The following ANKRD55 variants were observed in gnomAD, a reference collection of about 807,000 sequenced individuals.
ANKRD55 encodes the protein ankyrin repeat domain-containing protein 55.
ANKRD55 carries 41 observed loss-of-function variants against 60.6 expected under a neutral mutation model. That is an observed-to-expected ratio of 0.68 (90% CI 0.53 to 0.88). ANKRD55 has a LOEUF of 0.88. Ranked by LOEUF, ANKRD55 falls within the 40% of genes least tolerant of loss-of-function variation. The pLI, the probability that ANKRD55 is intolerant of heterozygous loss-of-function variation, is 0.00. For synonymous variants in ANKRD55, 264 were observed against 290.3 expected (o/e 0.91, Z 0.92); for missense variants, 732 against 767.6 (o/e 0.95, Z 0.55).
At chr5:56,168,912 A>G (rs754054524) in intron 5 of ANKRD55, among the ~76,000 whole-genome samples, 16 of 152,232 alleles carry the variant, frequency 1.1e-4, no homozygotes, top group Admixed American at 8.5e-4. Context: ...CCTGGAGTGC[A>G]GTGGTGCAAA....
rs1760299492 is a variant in ANKRD55 at position 56,233,246 on chromosome 5, A to G, written c.-39T>C. On this transcript the variant is annotated 5_prime_UTR_variant, in exon 1 of 12. Coordinates refer to ENST00000341048, the MANE Select transcript of ANKRD55 (RefSeq NM_024669.3). ...AAATTGTATGGGCCACCTGCCTTGG[A>G]TCTGGGCTGGAAAAACACAGCAGAT... 3.4e-6 allele frequency: 1 copy of G among 292,852 alleles called. No individual in the cohort carries two copies. Among genetic ancestry groups the G allele is most frequent in the South Asian group, 5.3e-5 (1 of 18,844 alleles). 18.1% of individuals were successfully genotyped at this position (292,852 alleles called of 1,614,324 possible).
At chr5:56,132,888 G>A (rs1477368205) in intron 7 of ANKRD55, among the ~76,000 whole-genome samples, 1 of 152,166 alleles carries the variant, frequency 6.6e-6, no homozygotes, top group African/African-American at 2.4e-5. Context: ...ATTCTAGACA[G>A]TGCAGACTAC....
At chr5:56,193,157 C>A in intron 2 of ANKRD55, 1 of 683,100 alleles carries the variant, frequency 1.5e-6, no homozygotes, top group Non-Finnish European at 2.4e-6. Flanking sequence ...CTTTGTAAAA[C>A]AGGGCTGTAT....
intron 2 of ANKRD55, among the ~76,000 whole-genome samples, chr5:56,198,449 C>G (rs1322071937): frequency 6.6e-6 from 1 of 152,004 alleles, no homozygotes; most frequent in Non-Finnish European, 1.5e-5. Context: ...CCACGCCCAG[C>G]TCATTTTGTA....
rs746295517 is a variant in ANKRD55 at position 56,118,354 on chromosome 5, G to A, written c.798-1572C>T. On this transcript the variant is annotated intron_variant, in intron 8 of 11. Coordinates refer to ENST00000341048, the MANE Select transcript of ANKRD55 (RefSeq NM_024669.3). Reference sequence around the variant, plus strand: ...AAATCTTTCAGAACTGGCTGGGTGCGGTGGCTCACACCTGTAATCCCAGCG... The same window carrying A: ...AAATCTTTCAGAACTGGCTGGGTGCAGTGGCTCACACCTGTAATCCCAGCG... 8.5e-5 allele frequency among the ~76,000 whole-genome samples: 13 copies of A among 152,150 alleles called. No individual in the cohort carries two copies. The East Asian group carries it at 1.7e-3, about 20-fold the overall frequency.
At chr5:56,142,767 G>A (rs1039644503) in intron 7 of ANKRD55, among the ~76,000 whole-genome samples, 5 of 152,342 alleles carry the variant, frequency 3.3e-5, no homozygotes, top group Middle Eastern at 3.4e-3. Flanking sequence ...GACTGGCAGC[G>A]ATGGTGGCAG....
At chr5:56,159,987 A>G (rs1172043737) in intron 5 of ANKRD55, 94 bp from the exon 6 acceptor site, 1 of 1,054,912 alleles carries the variant, frequency 9.5e-7, no homozygotes, top group South Asian at 1.3e-5. Flanking sequence ...AAAAACCGTC[A>G]GTTGAAAGAC....
chr5:56,160,024 G>A (rs1282128291), intron 5 of ANKRD55, 131 bp from the exon 6 acceptor site: 5 of 684,488 alleles, frequency 7.3e-6, no homozygotes, highest in Admixed American at 5.2e-5. Context: ...GGCCCTTTCC[G>A]TTTCTCTGGG....
intron 2 of ANKRD55, among the ~76,000 whole-genome samples, chr5:56,223,153 T>C (rs1760013425): frequency 1.3e-5 from 2 of 152,176 alleles, no homozygotes; most frequent in African/African-American, 4.8e-5. Flanking sequence ...ATAGATGATC[T>C]CTTGGCAGAA....
intron 10 of ANKRD55, among the ~76,000 whole-genome samples, chr5:56,103,075 G>A (rs564622487): frequency 5.3e-4 from 81 of 152,282 alleles, no homozygotes; most frequent in African/African-American, 1.9e-3. Context: ...TCTGGAGGTG[G>A]GGCATGGTGT....
Position 56,176,174 on chromosome 5 carries a change from C to T in ANKRD55, c.290G>A (p.Ser97Asn), listed in dbSNP as rs777720577. The T allele has an allele frequency of 4.3e-6, 7 of 1,614,084 alleles. No individual in the cohort carries two copies. Among genetic ancestry groups the T allele is most frequent in the Non-Finnish European group, 5.9e-6 (7 of 1,180,042 alleles). ...INMQDAYGRT[S>N]LCLATYLGWL... ...TACCAGGTAGGTGGCCAGGCATAAA[C>T]TTGTGCGGCCATAAGCATCCTGCAT... Residue 97 changes from serine (S) to asparagine (N), a missense_variant, in exon 4 of 12, where the codon AGT becomes AAT. Physicochemically the swap from Ser to Asn is conservative, Grantham distance 46 (BLOSUM62 1). Transcript: ENST00000341048.
chr5:56,154,039 G>A (rs1758127957), intron 6 of ANKRD55, among the ~76,000 whole-genome samples: 1 of 148,918 alleles, frequency 6.7e-6, no homozygotes, highest in Non-Finnish European at 1.5e-5. Flanking sequence ...GTGAAACCCC[G>A]TCTCTACTAA....
chr5:56,121,741 G>T (rs1757070662), intron 8 of ANKRD55, among the ~76,000 whole-genome samples: 1 of 152,142 alleles, frequency 6.6e-6, no homozygotes, highest in South Asian at 2.1e-4. Context: ...TTCACTCACT[G>T]TGTGGTTCTG....
At chr5:56,202,473 A>T (rs1011629139) in intron 2 of ANKRD55, among the ~76,000 whole-genome samples, 1 of 152,152 alleles carries the variant, frequency 6.6e-6, no homozygotes, top group Non-Finnish European at 1.5e-5. Flanking sequence ...ACCATTTCTC[A>T]TGTCTTCTCC....
intron 8 of ANKRD55, among the ~76,000 whole-genome samples, chr5:56,123,735 A>G (rs1757147856): frequency 6.6e-6 from 1 of 152,160 alleles, no homozygotes; most frequent in Admixed American, 6.5e-5. Flanking sequence ...GACCATCAAC[A>G]TGGAAGCGAT....
chr5:56,196,462 AATAGTG>A (rs942794597), intron 2 of ANKRD55, among the ~76,000 whole-genome samples: 1 of 152,190 alleles, frequency 6.6e-6, no homozygotes, highest in African/African-American at 2.4e-5. Context: ...ATCTGTGTAT[AATAGTG>A]TTAATGCTCA....
At chr5:56,203,988 C>T (rs1219052158) in intron 2 of ANKRD55, among the ~76,000 whole-genome samples, 1 of 152,134 alleles carries the variant, frequency 6.6e-6, no homozygotes, top group East Asian at 1.9e-4. Context: ...CACATCCTCT[C>T]CAGCACCTGT....
chr5:56,151,594 C>G (rs1032788724), intron 6 of ANKRD55, among the ~76,000 whole-genome samples: 30 of 152,020 alleles, frequency 2.0e-4, no homozygotes, highest in African/African-American at 7.2e-4. Flanking sequence ...AGGTGGATCA[C>G]TTGAGGACAG....
At chr5:56,167,966 A>T (rs1017035886) in intron 5 of ANKRD55, among the ~76,000 whole-genome samples, 1 of 152,232 alleles carries the variant, frequency 6.6e-6, no homozygotes, top group Non-Finnish European at 1.5e-5. Flanking sequence ...TTGACTGACA[A>T]GGCTTAGTTT....
Sources: allele counts gnomAD v4.1 joint callset (sites outside exome capture counted in the v4.1 genomes callset), GRCh38; gene constraint gnomAD v4.1.1; transcripts MANE v1.5; gene names NCBI Gene and HGNC (gene_info 2026-07-23, HGNC 2026-07-21).